The following RIMS2 variants were observed in gnomAD, a reference collection of about 807,000 sequenced individuals.
The protein encoded by RIMS2 is regulating synaptic membrane exocytosis protein 2.
In RIMS2, 59 loss-of-function variants were observed where a neutral mutation model predicts 174.4. The ratio of observed to expected loss-of-function variants is 0.34; its 90% CI spans 0.27 to 0.42. The LOEUF (loss-of-function observed/expected upper bound fraction) is 0.42. RIMS2 is among the 10% of genes least tolerant of loss of function. The probability of loss-of-function intolerance (pLI) is 1.00; values close to 1 mark genes in which losing one functional copy is unlikely to be tolerated. For synonymous variants in RIMS2, 606 were observed against 572.5 expected (o/e 1.06, Z -0.84); for missense variants, 1,620 against 1,666.3 (o/e 0.97, Z 0.48).
chr8:104,019,259 A>C (rs2096018400), intron 19 of RIMS2, among the ~76,000 whole-genome samples: 2 of 152,162 alleles, frequency 1.3e-5, no homozygotes, highest in African/African-American at 4.8e-5. Context: ...TCTTTTATCA[A>C]ATTTTCACTA....
chr8:103,565,210 C>T (rs1039928143), intron 1 of RIMS2, among the ~76,000 whole-genome samples: 9 of 152,064 alleles, frequency 5.9e-5, no homozygotes, highest in South Asian at 2.1e-4. Context: ...TAAAAGCTGC[C>T]GTACAGCAAC....
chr8:103,684,253 G>A (rs901248493), intron 1 of RIMS2, among the ~76,000 whole-genome samples: 5 of 152,040 alleles, frequency 3.3e-5, no homozygotes, highest in Non-Finnish European at 7.4e-5. Flanking sequence ...ATCTGATTTT[G>A]CTTTTCCCAG....
rs116325862 is a variant in RIMS2, at chr8:103,619,365, C to G, written c.177-77721C>G. Among the ~76,000 whole-genome samples the G allele has an allele frequency of 9.3e-3, 1,406 of 151,934 alleles. 25 individuals are homozygous for G. Among genetic ancestry groups the G allele is most frequent in the African/African-American group, 0.032 (1,336 of 41,464 alleles). On this transcript the variant is annotated intron_variant, in intron 1 of 23. Transcript: ENST00000504942. ...GGAGAGTAGTTGTACATCAAAGAAT[C>G]ATGAAAATATACTTAAATATTTGTC...
At chr8:103,952,058 C>T (rs2085536113) in intron 14 of RIMS2, among the ~76,000 whole-genome samples, 1 of 152,192 alleles carries the variant, frequency 6.6e-6, no homozygotes, top group South Asian at 2.1e-4. Context: ...CGCAGATTCC[C>T]TCCTCCCTGG....
chr8:103,581,580 G>A (rs952377643), intron 1 of RIMS2, among the ~76,000 whole-genome samples: 22 of 152,182 alleles, frequency 1.4e-4, no homozygotes, highest in African/African-American at 4.8e-4. Context: ...AAGGATGCCT[G>A]CTTTCACCAC....
chr8:103,742,944 AT>A (rs1315482633), intron 2 of RIMS2, among the ~76,000 whole-genome samples: 2 of 152,188 alleles, frequency 1.3e-5, no homozygotes, highest in Non-Finnish European at 2.9e-5. Flanking sequence ...ATTAAACAGC[AT>A]TAGTTTATTA....
chr8:104,024,444 G>A (rs902755582), intron 19 of RIMS2, among the ~76,000 whole-genome samples: 6 of 152,182 alleles, frequency 3.9e-5, no homozygotes, highest in African/African-American at 1.4e-4. Context: ...CTGTAGTCTA[G>A]ACTGTTAATC....
chr8:104,227,092 C>T (rs1399361631), intron 19 of RIMS2, among the ~76,000 whole-genome samples: 1 of 152,046 alleles, frequency 6.6e-6, no homozygotes, highest in African/African-American at 2.4e-5. Flanking sequence ...ACAACTTGCC[C>T]CCAGATCATA....
chr8:103,586,564 C>T (rs2093931755), intron 1 of RIMS2, among the ~76,000 whole-genome samples: 1 of 151,948 alleles, frequency 6.6e-6, no homozygotes, highest in African/African-American at 2.4e-5. Flanking sequence ...AATGGAAACA[C>T]AATGTACCAA....
intron 2 of RIMS2, among the ~76,000 whole-genome samples, chr8:103,742,753 A>C (rs980837581): frequency 6.6e-6 from 1 of 152,148 alleles, no homozygotes; most frequent in Non-Finnish European, 1.5e-5. Context: ...AGATGGTTTC[A>C]TGCTGTTTTC....
At position 103,588,128 on chromosome 8, in the gene RIMS2, GA is replaced by G. The variant is rs959783613; in HGVS notation, c.176+87073del. 4.6e-5 allele frequency among the ~76,000 whole-genome samples: 7 copies of G among 150,896 alleles called. No homozygotes were observed. The South Asian group carries it at 1.5e-3, about 32-fold the overall frequency. ...TGCCAACAGTGAAGAGTGTGAAAAA[GA>G]AAAAAACAATTCTATTTACAAAAGT... On this transcript the variant is annotated intron_variant, in intron 1 of 23. Coordinates refer to ENST00000504942, the Ensembl canonical transcript of RIMS2.
intron 3 of RIMS2, among the ~76,000 whole-genome samples, chr8:103,802,773 C>T (rs1043685171): frequency 1.3e-5 from 2 of 152,258 alleles, no homozygotes; most frequent in African/African-American, 4.8e-5. Flanking sequence ...AGGAGCTAGC[C>T]ACTAAATTGA....
intron 2 of RIMS2, among the ~76,000 whole-genome samples, chr8:103,701,668 G>A (rs1410897510): frequency 6.6e-6 from 1 of 151,802 alleles, no homozygotes; most frequent in Non-Finnish European, 1.5e-5. Context: ...TCCCACATGT[G>A]AATGAGAACA....
intron 19 of RIMS2, among the ~76,000 whole-genome samples, chr8:104,089,629 A>C (rs2097599500): frequency 6.6e-6 from 1 of 151,880 alleles, no homozygotes; most frequent in Admixed American, 6.6e-5. Flanking sequence ...AGTGGTAAAC[A>C]TGCTCAGTGG....
intron 19 of RIMS2, among the ~76,000 whole-genome samples, chr8:104,124,966 G>GA (rs5893678): frequency 4.6e-5 from 7 of 151,852 alleles, no homozygotes; most frequent in African/African-American, 1.7e-4. Context: ...AGACAAAGCA[G>GA]AAAAAAATAG....
At chr8:104,223,040 T>G in intron 19 of RIMS2, among the ~76,000 whole-genome samples, 1 of 152,076 alleles carries the variant, frequency 6.6e-6, no homozygotes, top group Non-Finnish European at 1.5e-5. Context: ...TGAGGAGCGT[T>G]AAAAAAAACT....
intron 19 of RIMS2, among the ~76,000 whole-genome samples, chr8:104,169,092 T>C (rs1192251607): frequency 6.6e-6 from 1 of 151,570 alleles, no homozygotes; most frequent in African/African-American, 2.4e-5. Flanking sequence ...ATATGTTCAT[T>C]ATGGATATTG....
chr8:103,797,836 C>T (rs181336225), intron 3 of RIMS2, among the ~76,000 whole-genome samples: 19 of 152,210 alleles, frequency 1.2e-4, no homozygotes, highest in Admixed American at 1.0e-3. Context: ...TTTTGGGCAG[C>T]GTGACCTATG....
intron 1 of RIMS2, among the ~76,000 whole-genome samples, chr8:103,503,322 GGAAAT>G (rs1447325800): frequency 6.6e-6 from 1 of 151,546 alleles, no homozygotes; most frequent in Non-Finnish European, 1.5e-5. Flanking sequence ...GAGTAGGCAA[GGAAAT>G]GAAATGAATA....
Sources: gnomAD v4.1 joint callset for allele counts (sites outside exome capture counted in the v4.1 genomes callset) on GRCh38, gnomAD v4.1.1 for gene constraint, MANE v1.5 for transcripts, NCBI Gene and HGNC (gene_info 2026-07-23, HGNC 2026-07-21) for gene names.